The following ZNF804B variants were observed in gnomAD, a reference collection of about 807,000 sequenced individuals.
ZNF804B encodes the protein zinc finger 804B.
Under a neutral mutation model 101.4 loss-of-function variants are expected in ZNF804B, and 80 were observed. That is an observed-to-expected ratio of 0.79 (90% CI 0.66 to 0.95). The LOEUF is 0.95. ZNF804B is among the 40% of genes least tolerant of loss of function. The pLI is 0.00. For synonymous variants in ZNF804B, 622 were observed against 558.8 expected, an observed-to-expected ratio of 1.11 and a Z score of -1.59; for missense variants, 1,673 against 1,561.9, an observed-to-expected ratio of 1.07 and a Z score of -1.20.
rs1232729458 is a variant in ZNF804B at position 89,334,712 on chromosome 7, A to C, written c.1730A>C (p.Asn577Thr). The C allele has an allele frequency of 6.2e-7, 1 of 1,613,740 alleles. No homozygotes were observed. Among genetic ancestry groups the C allele is most frequent in the South Asian group, 1.1e-5 (1 of 91,070 alleles). ...AGTGCAAATGATTTGGAAATGAAAA[A>C]TCCTAAAGTGCCTCTTTACCTCAAC... ...TFSANDLEMK[N>T]PKVPLYLNTS... Residue 577 changes from asparagine (N) to threonine (T), a missense_variant, in exon 4 of 4, where the codon AAT becomes ACT. Transcript: ENST00000333190.
intron 1 of ZNF804B, among the ~76,000 whole-genome samples, chr7:89,189,371 G>A (rs996769316): frequency 2.0e-5 from 3 of 152,092 alleles, no homozygotes; most frequent in Non-Finnish European, 4.4e-5. Context: ...AAAAGAAGAA[G>A]CCAAGGCACA....
At chr7:88,783,090 C>T (rs1790254082) in intron 1 of ZNF804B, among the ~76,000 whole-genome samples, 1 of 152,036 alleles carries the variant, frequency 6.6e-6, no homozygotes, top group Non-Finnish European at 1.5e-5. Context: ...ATATTGAGTA[C>T]CTTCATAAAA....
intron 1 of ZNF804B, among the ~76,000 whole-genome samples, chr7:89,011,980 A>G (rs1788471111): frequency 6.6e-6 from 1 of 152,114 alleles, no homozygotes; most frequent in Non-Finnish European, 1.5e-5. Context: ...TGAGGGCTCT[A>G]CCCCTGCAGC....
chr7:89,107,192 A>T (rs1037163804), intron 1 of ZNF804B, among the ~76,000 whole-genome samples: 6 of 152,132 alleles, frequency 3.9e-5, no homozygotes, highest in Non-Finnish European at 7.4e-5. Flanking sequence ...TTTAGATTAT[A>T]ATAGTGGAGT....
intron 1 of ZNF804B, among the ~76,000 whole-genome samples, chr7:89,014,179 A>G (rs1788504808): frequency 6.6e-6 from 1 of 152,144 alleles, no homozygotes; most frequent in East Asian, 1.9e-4. Context: ...CACAGTGTAT[A>G]AGAGTTTCCT....
At chr7:89,253,864 C>T (rs967883577) in intron 2 of ZNF804B, among the ~76,000 whole-genome samples, 3 of 151,948 alleles carry the variant, frequency 2.0e-5, no homozygotes, top group Non-Finnish European at 4.4e-5. Context: ...ATGCAAACCC[C>T]GTTTATACTA....
chr7:88,787,585 C>T (rs565696090), intron 1 of ZNF804B, among the ~76,000 whole-genome samples: 136 of 152,232 alleles, frequency 8.9e-4, no homozygotes, highest in South Asian at 2.3e-3. Flanking sequence ...AGTGTTTAAA[C>T]GTTCTTCAAA....
intron 1 of ZNF804B, among the ~76,000 whole-genome samples, chr7:89,090,841 C>T (rs546806879): frequency 6.6e-6 from 1 of 151,942 alleles, no homozygotes; most frequent in Non-Finnish European, 1.5e-5. Flanking sequence ...CATATACCCA[C>T]AGAGAGTATA....
At chr7:89,000,219 A>G (rs1024701395) in intron 1 of ZNF804B, among the ~76,000 whole-genome samples, 33 of 151,990 alleles carry the variant, frequency 2.2e-4, no homozygotes, top group Non-Finnish European at 4.0e-4. Flanking sequence ...AACAAGGTAG[A>G]GAATTTTTCT....
chr7:89,166,771 A>G (rs987126200), intron 1 of ZNF804B, among the ~76,000 whole-genome samples: 1 of 152,134 alleles, frequency 6.6e-6, no homozygotes, highest in Non-Finnish European at 1.5e-5. Flanking sequence ...TTTATTGGAG[A>G]GATGAACTTC....
chr7:88,775,307 G>C (rs893235660), intron 1 of ZNF804B, among the ~76,000 whole-genome samples: 1 of 152,118 alleles, frequency 6.6e-6, no homozygotes, highest in Non-Finnish European at 1.5e-5. Context: ...CCCAAGGAAT[G>C]GTTCTTTGGA....
intron 2 of ZNF804B, among the ~76,000 whole-genome samples, chr7:89,272,018 C>T (rs1789906292): frequency 6.6e-6 from 1 of 151,986 alleles, no homozygotes; most frequent in African/African-American, 2.4e-5. Flanking sequence ...TAGCTTACAA[C>T]ATAAGGTTCA....
intron 1 of ZNF804B, among the ~76,000 whole-genome samples, chr7:88,782,098 AGTGC>A (rs148301062): frequency 0.025 from 3,286 of 132,146 alleles, 99 homozygotes; most frequent in African/African-American, 0.09. Context: ...CTTTTGTGTG[AGTGC>A]GTGTGTGTGT....
At chr7:89,095,271 A>C (rs1283872791) in intron 1 of ZNF804B, among the ~76,000 whole-genome samples, 2 of 152,146 alleles carry the variant, frequency 1.3e-5, no homozygotes, top group Non-Finnish European at 2.9e-5. Flanking sequence ...GCGGTCACAA[A>C]ATGCCATCTT....
intron 1 of ZNF804B, among the ~76,000 whole-genome samples, chr7:88,927,509 G>C (rs1792823309): frequency 6.6e-6 from 1 of 152,110 alleles, no homozygotes; most frequent in African/African-American, 2.4e-5. Context: ...TTGGATCCTA[G>C]ACCCTATACG....
intron 1 of ZNF804B, among the ~76,000 whole-genome samples, chr7:88,837,160 C>G (rs561518764): frequency 8.0e-4 from 121 of 151,926 alleles, no homozygotes; most frequent in African/African-American, 2.5e-3. Flanking sequence ...TCATGGTACA[C>G]AATATATTTT....
chr7:88,927,215 G>A (rs563604539), intron 1 of ZNF804B, among the ~76,000 whole-genome samples: 182 of 152,146 alleles, frequency 1.2e-3, no homozygotes, highest in African/African-American at 4.1e-3. Flanking sequence ...GAAGAGTGGC[G>A]TTTTAGAATA....
chr7:88,972,066 C>T (rs1377985800), intron 1 of ZNF804B, among the ~76,000 whole-genome samples: 1 of 151,436 alleles, frequency 6.6e-6, no homozygotes, highest in Non-Finnish European at 1.5e-5. Flanking sequence ...ATCCCAGTTC[C>T]TCCAGAAGTA....
chr7:88,775,393 G>T (rs894708910), intron 1 of ZNF804B, among the ~76,000 whole-genome samples: 1 of 152,136 alleles, frequency 6.6e-6, no homozygotes, highest in African/African-American at 2.4e-5. Context: ...GACCCTGTAG[G>T]CCCTGTAACA....
Sources: allele counts gnomAD v4.1 joint callset (sites outside exome capture counted in the v4.1 genomes callset), GRCh38; gene constraint gnomAD v4.1.1; transcripts MANE v1.5; gene names NCBI Gene and HGNC (gene_info 2026-07-23, HGNC 2026-07-21).